GRIA4: variants seen among roughly 807,000 people sequenced by gnomAD.
The protein encoded by GRIA4 is glutamate ionotropic receptor AMPA type subunit 4, also known as glutamate receptor 4.
Under a neutral mutation model 104.0 loss-of-function variants are expected in GRIA4, and 34 were observed. That is an observed-to-expected ratio of 0.33 (90% CI 0.25 to 0.44). GRIA4 has a LOEUF of 0.44. GRIA4 is among the 20% of genes least tolerant of loss of function. The probability of loss-of-function intolerance (pLI) is 1.00; values close to 1 mark genes in which losing one functional copy is unlikely to be tolerated. For synonymous variants in GRIA4, 386 were observed against 381.9 expected (o/e 1.01, Z -0.13); for missense variants, 750 against 1,096.5 (o/e 0.68, Z 4.46).
chr11:105,972,832 C>T (rs1858769387), intron 15 of GRIA4, among the ~76,000 whole-genome samples: 1 of 152,126 alleles, frequency 6.6e-6, no homozygotes, highest in African/African-American at 2.4e-5. Context: ...AAAGCCAGAG[C>T]TGAAGTTTCT....
At chr11:105,632,125 T>C (rs1022164570) in intron 3 of GRIA4, among the ~76,000 whole-genome samples, 2 of 152,172 alleles carry the variant, frequency 1.3e-5, no homozygotes, top group Non-Finnish European at 2.9e-5. Flanking sequence ...GGACAGGGGA[T>C]TGATAATTCA....
intron 3 of GRIA4, among the ~76,000 whole-genome samples, chr11:105,661,808 G>A (rs1952018558): frequency 6.6e-6 from 1 of 151,726 alleles, no homozygotes; most frequent in Non-Finnish European, 1.5e-5. Context: ...TAGGGAACAG[G>A]ACTAGAGAAA....
At chr11:105,954,423 T>G (rs976530255) in intron 14 of GRIA4, among the ~76,000 whole-genome samples, 2 of 152,182 alleles carry the variant, frequency 1.3e-5, no homozygotes, top group African/African-American at 4.8e-5. Context: ...CACTTTCCAC[T>G]GCCCAGAAAA....
At chr11:105,629,749 A>G (rs916994511) in intron 3 of GRIA4, among the ~76,000 whole-genome samples, 23 of 152,242 alleles carry the variant, frequency 1.5e-4, no homozygotes, top group African/African-American at 4.3e-4. Context: ...CAGATAAACT[A>G]AGGGAATCTT....
intron 3 of GRIA4, among the ~76,000 whole-genome samples, chr11:105,685,653 G>A (rs1329983347): frequency 6.6e-6 from 1 of 152,140 alleles, no homozygotes; most frequent in Non-Finnish European, 1.5e-5. Context: ...AAGTTTCAAG[G>A]TGAATTAGTT....
At chr11:105,765,467 C>T (rs1940889360) in intron 4 of GRIA4, among the ~76,000 whole-genome samples, 1 of 152,168 alleles carries the variant, frequency 6.6e-6, no homozygotes, top group Non-Finnish European at 1.5e-5. Flanking sequence ...ATTGAAATCA[C>T]TGATGAGAAA....
chr11:105,692,255 TAA>T (rs749702613), intron 3 of GRIA4, among the ~76,000 whole-genome samples: 313 of 139,696 alleles, frequency 2.2e-3, no homozygotes, highest in Non-Finnish European at 3.3e-3. Flanking sequence ...CTCTTTTTTT[TAA>T]AAAAAAAAAG....
chr11:105,666,583 T>C (rs1236386541), intron 3 of GRIA4, among the ~76,000 whole-genome samples: 1 of 151,986 alleles, frequency 6.6e-6, no homozygotes, highest in Non-Finnish European at 1.5e-5. Context: ...TTATTATATT[T>C]ATTGCTTTAA....
At chr11:105,755,325 C>A (rs987575613) in intron 4 of GRIA4, among the ~76,000 whole-genome samples, 3 of 152,270 alleles carry the variant, frequency 2.0e-5, no homozygotes, top group African/African-American at 7.2e-5. Context: ...CTTTAAATGA[C>A]ATGCCTTTTA....
At chr11:105,826,050 T>C (rs545024221) in intron 4 of GRIA4, among the ~76,000 whole-genome samples, 16 of 152,058 alleles carry the variant, frequency 1.1e-4, no homozygotes, top group Admixed American at 9.2e-4. Context: ...GCCTTAAACA[T>C]TTGATTCCCT....
intron 3 of GRIA4, among the ~76,000 whole-genome samples, chr11:105,671,936 CAG>C (rs1307309268): frequency 1.3e-5 from 2 of 152,110 alleles, no homozygotes; most frequent in South Asian, 4.1e-4. Context: ...CAACCACAAT[CAG>C]GGGATTCTGA....
chr11:105,910,337 G>T, intron 9 of GRIA4, 98 bp from the exon 10 acceptor site: 225 of 598,882 alleles, frequency 3.8e-4, no homozygotes, highest in South Asian at 8.4e-4. Context: ...GCTTACATTT[G>T]TTTTGTTTGC....
chr11:105,645,011 C>T (rs188398387), intron 3 of GRIA4, among the ~76,000 whole-genome samples: 7 of 152,218 alleles, frequency 4.6e-5, no homozygotes, highest in Admixed American at 1.3e-4. Flanking sequence ...AAACTTCCAG[C>T]TCTTGACCTC....
chr11:105,790,788 G>C (rs1353175332), intron 4 of GRIA4, among the ~76,000 whole-genome samples: 2 of 152,174 alleles, frequency 1.3e-5, no homozygotes, highest in African/African-American at 2.4e-5. Flanking sequence ...ATCCAGAAAA[G>C]ATGAAGAGAA....
At chr11:105,615,210 T>C (rs1272414302) in intron 3 of GRIA4, among the ~76,000 whole-genome samples, 1 of 151,934 alleles carries the variant, frequency 6.6e-6, no homozygotes, top group Non-Finnish European at 1.5e-5. Context: ...ATAAAGCGTG[T>C]TAGTTATCTA....
intron 16 of GRIA4, among the ~76,000 whole-genome samples, chr11:105,976,127 C>A (rs575600862): frequency 2.0e-4 from 31 of 151,962 alleles, no homozygotes; most frequent in African/African-American, 7.2e-4. Flanking sequence ...GTTTTCAGAG[C>A]CAATTATTTG....
At chr11:105,920,064 C>A (rs535112859) in intron 11 of GRIA4, among the ~76,000 whole-genome samples, 1 of 152,196 alleles carries the variant, frequency 6.6e-6, no homozygotes, top group Admixed American at 6.6e-5. Flanking sequence ...GCCTTTTAGA[C>A]CATGAAGCAA....
intron 5 of GRIA4, among the ~76,000 whole-genome samples, chr11:105,886,523 T>A (rs951051789): frequency 7.9e-5 from 11 of 139,800 alleles, no homozygotes; most frequent in Non-Finnish European, 1.1e-4. Flanking sequence ...CTGATAACCA[T>A]TTTTCTACTC....
intron 5 of GRIA4, among the ~76,000 whole-genome samples, chr11:105,884,034 T>C (rs1383618547): frequency 2.6e-5 from 4 of 152,186 alleles, no homozygotes; most frequent in African/African-American, 9.7e-5. Flanking sequence ...TCACACCAGT[T>C]AGAATGGTGA....
Sources: gnomAD v4.1 joint callset for allele counts (sites outside exome capture counted in the v4.1 genomes callset) on GRCh38, gnomAD v4.1.1 for gene constraint, MANE v1.5 for transcripts, NCBI Gene and HGNC (gene_info 2026-07-23, HGNC 2026-07-21) for gene names.